The following LRRC4C variants were observed in gnomAD, a reference collection of about 807,000 sequenced individuals.
LRRC4C encodes leucine-rich repeat-containing protein 4C.
Under a neutral mutation model 33.6 loss-of-function variants are expected in LRRC4C, and 5 were observed. The ratio of observed to expected loss-of-function variants is 0.15; its 90% CI spans 0.08 to 0.31. The LOEUF (loss-of-function observed/expected upper bound fraction) is 0.31, where lower values mean the gene tolerates loss of function less well. Ranked by LOEUF, LRRC4C falls within the 10% of genes least tolerant of loss-of-function variation. The pLI is 1.00. For missense variants in LRRC4C, 560 were observed against 796.7 expected (o/e 0.70, Z 3.58); for synonymous variants, 329 against 302.0 (o/e 1.09, Z -0.93).
At chr11:40,601,295 A>T (rs1438980044) in intron 3 of LRRC4C, among the ~76,000 whole-genome samples, 1 of 152,178 alleles carries the variant, frequency 6.6e-6, no homozygotes, top group Non-Finnish European at 1.5e-5. Flanking sequence ...CTCTGTGCTT[A>T]GTAAGTACTA....
chr11:40,645,020 T>C (rs1211099738), intron 3 of LRRC4C, among the ~76,000 whole-genome samples: 1 of 152,008 alleles, frequency 6.6e-6, no homozygotes, highest in Non-Finnish European at 1.5e-5. Context: ...AATTCAGTCA[T>C]CAGCAATATG....
intron 1 of LRRC4C, among the ~76,000 whole-genome samples, chr11:41,062,983 G>T (rs373660750): frequency 1.6e-4 from 25 of 152,162 alleles, no homozygotes; most frequent in African/African-American, 6.0e-4. Flanking sequence ...TTTGATTTTA[G>T]ACCTAAGAGA....
chr11:40,712,642 A>T (rs1216714438), intron 2 of LRRC4C, among the ~76,000 whole-genome samples: 2 of 152,184 alleles, frequency 1.3e-5, no homozygotes. Context: ...AAAAATACAA[A>T]TGTAATTATA....
At chr11:40,398,422 T>A (rs559830063) in intron 3 of LRRC4C, among the ~76,000 whole-genome samples, 14 of 152,212 alleles carry the variant, frequency 9.2e-5, no homozygotes, top group African/African-American at 2.9e-4. Flanking sequence ...TCCACTGTGA[T>A]CCAAATGCCT....
intron 1 of LRRC4C, among the ~76,000 whole-genome samples, chr11:40,995,019 T>C (rs990290951): frequency 6.6e-6 from 1 of 152,126 alleles, no homozygotes; most frequent in South Asian, 2.1e-4. Context: ...TGATACAGAA[T>C]ATACCTATGA....
intron 6 of LRRC4C, among the ~76,000 whole-genome samples, chr11:40,125,700 T>A (rs1012920160): frequency 6.6e-6 from 1 of 152,116 alleles, no homozygotes; most frequent in African/African-American, 2.4e-5. Flanking sequence ...ATAAGAAAGG[T>A]CTGAAGCTCA....
Position 41,376,645 on chromosome 11 carries a change from C to A in LRRC4C, c.-496+82786G>T, listed in dbSNP as rs141017061. The stretch of plus-strand genomic sequence containing the variant: ...TTGCATGTTTGGGAAGTATTGTTAG[C>A]GATGTAAAAATGTTTAAGATGTAGA... On this transcript the variant is annotated intron_variant, in intron 1 of 6. Coordinates refer to ENST00000528697, the MANE Select transcript of LRRC4C (RefSeq NM_001258419.2). Among the ~76,000 whole-genome samples, 8 of 151,886 alleles carry A rather than the reference C, an allele frequency of 5.3e-5. No individual in the cohort carries two copies. In the East Asian group the frequency reaches 1.5e-3, roughly 29 times the overall value.
At chr11:41,110,414 T>C (rs1188048479) in intron 1 of LRRC4C, among the ~76,000 whole-genome samples, 3 of 152,070 alleles carry the variant, frequency 2.0e-5, no homozygotes, top group Non-Finnish European at 4.4e-5. Flanking sequence ...ATTGTTCCCA[T>C]CTTAAAAATG....
At chr11:40,734,601 T>C (rs11036048) in intron 2 of LRRC4C, among the ~76,000 whole-genome samples, 54,793 of 152,016 alleles carry the variant, frequency 0.36, 10,399 homozygotes, top group Middle Eastern at 0.44. Context: ...TAAGCACTAG[T>C]TGATCTACCG....
intron 2 of LRRC4C, among the ~76,000 whole-genome samples, chr11:40,899,098 G>GA (rs374704933): frequency 0.71 from 106,243 of 149,050 alleles, 40,364 homozygotes; most frequent in East Asian, 0.87. Context: ...TGGTCATTTT[G>GA]AAAAAAAAAA....
rs76459395 is a variant in LRRC4C at position 41,295,534 on chromosome 11, T to A, written c.-496+163897A>T. ...GCTTAGTGTATTATTTTTGTAATTA[T>A]GAAAAACTAGAGAGAAATAAACATA... On this transcript the variant is annotated intron_variant, in intron 1 of 6. Coordinates refer to ENST00000528697, the MANE Select transcript of LRRC4C (RefSeq NM_001258419.2). 5.9e-5 allele frequency among the ~76,000 whole-genome samples: 9 copies of A among 152,256 alleles called. No homozygotes were observed. The East Asian group carries it at 1.7e-3, about 29-fold the overall frequency.
intron 3 of LRRC4C, among the ~76,000 whole-genome samples, chr11:40,515,897 CT>C (rs1955540682): frequency 6.6e-6 from 1 of 151,834 alleles, no homozygotes; most frequent in Non-Finnish European, 1.5e-5. Context: ...ATTTATGTAG[CT>C]TTGTTCATGT....
At chr11:41,041,692 C>T (rs545651648) in intron 1 of LRRC4C, among the ~76,000 whole-genome samples, 1 of 152,252 alleles carries the variant, frequency 6.6e-6, no homozygotes, top group South Asian at 2.1e-4. Flanking sequence ...TACACACTCA[C>T]ATATACTTTC....
chr11:40,509,562 G>A (rs1381100888), intron 3 of LRRC4C, among the ~76,000 whole-genome samples: 3 of 151,792 alleles, frequency 2.0e-5, no homozygotes, highest in African/African-American at 7.3e-5. Context: ...ACTTGTCATG[G>A]AACAATGCGG....
intron 3 of LRRC4C, among the ~76,000 whole-genome samples, chr11:40,546,775 A>G (rs760397919): frequency 2.6e-5 from 4 of 152,096 alleles, no homozygotes; most frequent in Non-Finnish European, 5.9e-5. Context: ...TAGTTTTCAT[A>G]CGCACAACTG....
intron 1 of LRRC4C, among the ~76,000 whole-genome samples, chr11:41,356,914 C>T (rs1952181509): frequency 6.6e-6 from 1 of 151,962 alleles, no homozygotes; most frequent in Non-Finnish European, 1.5e-5. Flanking sequence ...CCAACGTTTC[C>T]CTCAAATATG....
intron 2 of LRRC4C, among the ~76,000 whole-genome samples, chr11:40,722,606 TCTGA>T (rs1402508769): frequency 3.3e-5 from 5 of 152,182 alleles, no homozygotes; most frequent in South Asian, 2.1e-4. Context: ...AAGAGCCCCT[TCTGA>T]CTGACAACAA....
At chr11:40,580,308 A>G (rs1226370288) in intron 3 of LRRC4C, among the ~76,000 whole-genome samples, 2 of 152,140 alleles carry the variant, frequency 1.3e-5, no homozygotes, top group African/African-American at 4.8e-5. Flanking sequence ...AAAATGAGCA[A>G]GAGTATGGAA....
chr11:41,112,629 C>G (rs150771295), intron 1 of LRRC4C, among the ~76,000 whole-genome samples: 9 of 152,070 alleles, frequency 5.9e-5, no homozygotes, highest in African/African-American at 2.2e-4. Context: ...GATAGGTACC[C>G]CACTGTCATT....
Sources: gnomAD v4.1 joint callset for allele counts (sites outside exome capture counted in the v4.1 genomes callset) on GRCh38, gnomAD v4.1.1 for gene constraint, MANE v1.5 for transcripts, NCBI Gene and HGNC (gene_info 2026-07-23, HGNC 2026-07-21) for gene names.